DOCK2: variants seen among roughly 807,000 people sequenced by gnomAD.
DOCK2 encodes dedicator of cytokinesis protein 2.
Under a neutral mutation model 248.9 loss-of-function variants are expected in DOCK2, and 87 were observed. The observed-to-expected ratio is 0.35, with a 90% CI of 0.29 to 0.42. The LOEUF (loss-of-function observed/expected upper bound fraction) is 0.42. DOCK2 is among the 10% of genes least tolerant of loss of function. DOCK2 has a pLI of 1.00. For synonymous variants in DOCK2, 805 were observed against 821.6 expected (o/e 0.98, Z 0.35); for missense variants, 1,747 against 2,300.2 (o/e 0.76, Z 4.92).
At chr5:169,842,128 C>T (rs1163858016) in intron 27 of DOCK2, among the ~76,000 whole-genome samples, 2 of 152,156 alleles carry the variant, frequency 1.3e-5, no homozygotes, top group East Asian at 3.8e-4. Context: ...TCAGTGTTGG[C>T]AGTTTATTTT....
chr5:169,657,015 T>C (rs1338690824), intron 2 of DOCK2, among the ~76,000 whole-genome samples: 3 of 152,226 alleles, frequency 2.0e-5, no homozygotes, highest in African/African-American at 7.2e-5. Context: ...GATATATTCA[T>C]TGGTAAATGG....
chr5:170,018,908 A>T (rs1581531286), intron 32 of DOCK2, 52 bp from the exon 33 acceptor site: 1 of 1,593,550 alleles, frequency 6.3e-7, no homozygotes, highest in African/African-American at 1.3e-5. Flanking sequence ...TCGGAGGAGG[A>T]CCTGTGCGTC....
intron 22 of DOCK2, among the ~76,000 whole-genome samples, chr5:169,744,568 G>A (rs1238954597): frequency 1.3e-5 from 2 of 151,584 alleles, no homozygotes; most frequent in Non-Finnish European, 2.9e-5. Flanking sequence ...AGGCAAAAAG[G>A]AGAGTTTATT....
At chr5:169,921,494 C>A (rs181632944) in intron 27 of DOCK2, among the ~76,000 whole-genome samples, 1 of 152,198 alleles carries the variant, frequency 6.6e-6, no homozygotes, top group Non-Finnish European at 1.5e-5. Context: ...ACACTAAGCA[C>A]GTGGATCAAC....
chr5:170,049,815 G>A (rs1193599200), intron 40 of DOCK2, among the ~76,000 whole-genome samples: 3 of 152,212 alleles, frequency 2.0e-5, no homozygotes, highest in African/African-American at 4.8e-5. Flanking sequence ...GAAGGATAAA[G>A]AGTGTGTTTT....
intron 27 of DOCK2, 32 bp from the exon 28 acceptor site, chr5:169,983,036 C>G (rs542270089): frequency 6.2e-7 from 1 of 1,609,754 alleles, no homozygotes; most frequent in Non-Finnish European, 8.5e-7. Flanking sequence ...CCTCTCTCAA[C>G]TATTTATAGT....
chr5:169,925,314 G>T (rs552592378), intron 27 of DOCK2, among the ~76,000 whole-genome samples: 2 of 152,272 alleles, frequency 1.3e-5, no homozygotes, highest in South Asian at 4.1e-4. Context: ...AGGACAGATG[G>T]GTCCTGGTAA....
chr5:169,741,803 ATTTTTTTT>A (rs33955559), intron 22 of DOCK2, among the ~76,000 whole-genome samples: 7 of 82,420 alleles, frequency 8.5e-5, no homozygotes, highest in East Asian at 3.7e-4. Context: ...ATCTTTTACT[ATTTTTTTT>A]TTTTTTTTTT....
At chr5:169,663,803 G>A (rs1262402426) in intron 2 of DOCK2, among the ~76,000 whole-genome samples, 1 of 152,224 alleles carries the variant, frequency 6.6e-6, no homozygotes, top group Non-Finnish European at 1.5e-5. Context: ...AGGCCTCTGG[G>A]CCTGTGATTG....
chr5:169,751,692 T>A (rs1447130197), intron 23 of DOCK2, among the ~76,000 whole-genome samples: 1 of 152,202 alleles, frequency 6.6e-6, no homozygotes, highest in Non-Finnish European at 1.5e-5. Context: ...CTGTGGTTTT[T>A]CTTATTGTTC....
At chr5:169,982,774 G>T (rs1044431373) in intron 27 of DOCK2, among the ~76,000 whole-genome samples, 1 of 152,200 alleles carries the variant, frequency 6.6e-6, no homozygotes, top group Non-Finnish European at 1.5e-5. Context: ...TGAGACGATT[G>T]GGACTTACAC....
At chr5:170,018,245 C>T (rs962973823) in intron 32 of DOCK2, among the ~76,000 whole-genome samples, 8 of 152,062 alleles carry the variant, frequency 5.3e-5, no homozygotes, top group Non-Finnish European at 1.0e-4. Context: ...GGGGAGGCTG[C>T]GTGGTAATGG....
chr5:169,642,025 A>G (rs577835394), intron 1 of DOCK2, among the ~76,000 whole-genome samples: 1 of 152,322 alleles, frequency 6.6e-6, no homozygotes, highest in African/African-American at 2.4e-5. Context: ...GTGGGGTCAC[A>G]TGGCTTGCTA....
At chr5:169,822,977 G>T (rs1478221952) in intron 26 of DOCK2, among the ~76,000 whole-genome samples, 1 of 152,162 alleles carries the variant, frequency 6.6e-6, no homozygotes. Flanking sequence ...TACCATCAGA[G>T]AATACTATAA....
At chr5:169,754,093 T>C (rs1185041813) in intron 23 of DOCK2, among the ~76,000 whole-genome samples, 1 of 152,030 alleles carries the variant, frequency 6.6e-6, no homozygotes, top group Non-Finnish European at 1.5e-5. Flanking sequence ...CCAACACTGG[T>C]CACTCTGTTT....
At chr5:169,946,041 A>T (rs537348552) in intron 27 of DOCK2, among the ~76,000 whole-genome samples, 1 of 152,222 alleles carries the variant, frequency 6.6e-6, no homozygotes, top group South Asian at 2.1e-4. Context: ...ACAGACCATC[A>T]GCTGAGCAAA....
At chr5:170,014,773 G>T (rs1180841733) in intron 32 of DOCK2, among the ~76,000 whole-genome samples, 1 of 152,098 alleles carries the variant, frequency 6.6e-6, no homozygotes, top group Non-Finnish European at 1.5e-5. Context: ...GGGTGGCTAG[G>T]TGAGAGGCAC....
intron 25 of DOCK2, among the ~76,000 whole-genome samples, 200 bp from the exon 26 acceptor site, chr5:169,802,857 TG>T (rs1767084231): frequency 6.6e-6 from 1 of 152,178 alleles, no homozygotes; most frequent in Non-Finnish European, 1.5e-5. Context: ...TGGTTGCCTC[TG>T]GGTAGGAAGG....
In DOCK2 at chr5:169,717,444, G is replaced by T; in HGVS notation, c.2092G>T (p.Ala698Ser). 1 of 1,613,882 alleles carries T rather than the reference G, an allele frequency of 6.2e-7. No homozygotes were observed. The highest frequency in any genetic ancestry group is 8.5e-7 in the Non-Finnish European group (1 of 1,179,818). ...TCAGCATTTCAACACCGTTCTGGAG[G>T]CTTACATCCAACAGCATTTCAGTGC... ...KFQHFNTVLEAYIQQHFSATL... is the reference protein window; with the variant it reads ...KFQHFNTVLESYIQQHFSATL... Residue 698 changes from alanine to serine, a missense_variant, in exon 21 of 52, where the codon GCT (alanine) becomes TCT (serine). Ala to Ser is a moderately conservative substitution (Grantham distance 99, BLOSUM62 1). Coordinates refer to ENST00000520908, the MANE Select transcript of DOCK2 (RefSeq NM_004946.3).
Sources: allele counts gnomAD v4.1 joint callset (sites outside exome capture counted in the v4.1 genomes callset), GRCh38; gene constraint gnomAD v4.1.1; transcripts MANE v1.5; gene names NCBI Gene and HGNC (gene_info 2026-07-23, HGNC 2026-07-21).